Variants in CPPED1 observed in about 807,000 individuals in gnomAD.
CPPED1 encodes the protein serine/threonine-protein phosphatase CPPED1.
Under a neutral mutation model 28.0 loss-of-function variants are expected in CPPED1, and 28 were observed. The ratio of observed to expected loss-of-function variants is 1.00; its 90% CI spans 0.74 to 1.37. The LOEUF is 1.37. Among genes scored for constraint, CPPED1 ranks in the 40% most tolerant of loss-of-function variants. The probability of loss-of-function intolerance (pLI) is 0.00; values close to 1 mark genes in which losing one functional copy is unlikely to be tolerated. For synonymous variants in CPPED1, 198 were observed against 180.2 expected, an observed-to-expected ratio of 1.10 and a Z score of -0.79; for missense variants, 504 against 416.5, an observed-to-expected ratio of 1.21 and a Z score of -1.83.
intron 2 of CPPED1, among the ~76,000 whole-genome samples, chr16:12,734,244 A>G (rs1163613836): frequency 6.6e-6 from 1 of 151,576 alleles, no homozygotes; most frequent in Non-Finnish European, 1.5e-5. Flanking sequence ...TAATTTTTGT[A>G]TATTTAGTAG....
chr16:12,681,747 C>T (rs182991760), intron 3 of CPPED1, among the ~76,000 whole-genome samples: 5 of 152,014 alleles, frequency 3.3e-5, no homozygotes, highest in African/African-American at 1.2e-4. Context: ...AGTTATCACA[C>T]CAACACCTGG....
chr16:12,762,589 G>A (rs377750929), intron 2 of CPPED1, among the ~76,000 whole-genome samples: 20 of 152,132 alleles, frequency 1.3e-4, no homozygotes, highest in Non-Finnish European at 2.2e-4. Context: ...ATCCCAAGGC[G>A]CCGCATACTG....
In CPPED1 at chr16:12,787,319, G is replaced by A. The variant is rs529185954; in HGVS notation, c.71-5916C>T. ...GGATAATGCCTATAGGGTATTTAGT[G>A]TTCATACGTGGTAAAAACATACATT... On this transcript the variant is annotated intron_variant, in intron 1 of 3. Transcript: ENST00000381774. Among the ~76,000 whole-genome samples, 201 of 151,974 alleles carry A rather than the reference G, an allele frequency of 1.3e-3. 9 individuals are homozygous for A. The highest frequency in any genetic ancestry group is 2.7e-3 in the South Asian group (13 of 4,814).
intron 3 of CPPED1, among the ~76,000 whole-genome samples, chr16:12,697,609 G>C (rs1001140070): frequency 1.3e-5 from 2 of 152,208 alleles, no homozygotes; most frequent in African/African-American, 4.8e-5. Context: ...CCAAGAGTTG[G>C]AAAATTATCA....
chr16:12,713,555 G>A (rs1239091077), intron 2 of CPPED1, among the ~76,000 whole-genome samples: 1 of 151,976 alleles, frequency 6.6e-6, no homozygotes, highest in East Asian at 1.9e-4. Context: ...TAGTAGAGAC[G>A]GGGTTTCATC....
intron 2 of CPPED1, among the ~76,000 whole-genome samples, chr16:12,734,763 C>T (rs1225470061): frequency 6.6e-6 from 1 of 152,114 alleles, no homozygotes; most frequent in African/African-American, 2.4e-5. Flanking sequence ...TGGCATCACT[C>T]ATCAGAGAGA....
Position 12,781,386 on chromosome 16 carries a change from T to A in CPPED1, c.88A>T (p.Lys30Ter). 6.2e-7 allele frequency: 1 copy of A among 1,613,798 alleles called. No individual in the cohort carries two copies. Among genetic ancestry groups the A allele is most frequent in the Non-Finnish European group, 8.5e-7 (1 of 1,179,892 alleles). ...AFPAEKESEW[K>*]GPFYFILGAD... Reference sequence around the variant, plus strand: ...CCCAGGATGAAGTAGAATGGGCCTTTCCATTCGCTTTCCTTTTCTTAAAAA... The same window carrying A: ...CCCAGGATGAAGTAGAATGGGCCTTACCATTCGCTTTCCTTTTCTTAAAAA... Residue 30 changes from lysine (K) to a stop codon, truncating the protein, a stop_gained, in exon 2 of 4, where the codon AAA becomes TAA. Transcript: ENST00000381774. LOFTEE classifies it high-confidence loss of function.
At chr16:12,727,110 C>T (rs1596461928) in intron 2 of CPPED1, among the ~76,000 whole-genome samples, 1 of 152,296 alleles carries the variant, frequency 6.6e-6, no homozygotes, top group East Asian at 1.9e-4. Flanking sequence ...CCATATACAA[C>T]TGGAGCCCTG....
intron 2 of CPPED1, among the ~76,000 whole-genome samples, chr16:12,757,138 T>C (rs377673435): frequency 1.3e-5 from 2 of 149,808 alleles, no homozygotes; most frequent in Non-Finnish European, 3.0e-5. Context: ...GGGTGACCAA[T>C]TAAGTTATAG....
chr16:12,697,106 C>G (rs1049387167), intron 3 of CPPED1, among the ~76,000 whole-genome samples: 1 of 152,014 alleles, frequency 6.6e-6, no homozygotes, highest in Non-Finnish European at 1.5e-5. Context: ...CTCACTGTAA[C>G]CTCTGCCTCC....
intron 2 of CPPED1, chr16:12,760,527 C>T (rs1035539891): frequency 1.5e-4 from 23 of 152,356 alleles, no homozygotes; most frequent in African/African-American, 5.6e-4. Context: ...CCGGGGTGCA[C>T]TGGGGGCCTT....
At chr16:12,734,078 T>G (rs2080214143) in intron 2 of CPPED1, among the ~76,000 whole-genome samples, 1 of 133,470 alleles carries the variant, frequency 7.5e-6, no homozygotes. Context: ...TTTTTTTTTT[T>G]TTTTTTTTTT....
Position 12,781,620 on chromosome 16 carries a change from C to T in CPPED1, c.71-217G>A, listed in dbSNP as rs540354596. ...ACCTGGTGATACCCAAAGGCCAGAA[C>T]TGTCCACGTGGGCTTCTGCAGCCAC... On this transcript the variant is annotated intron_variant, in intron 1 of 3. Transcript: ENST00000381774. Among the ~76,000 whole-genome samples, 25 of 152,244 alleles carry T rather than the reference C, an allele frequency of 1.6e-4. No individual in the cohort carries two copies. In the East Asian group the frequency reaches 4.8e-3, roughly 29 times the overall value.
chr16:12,696,457 T>C (rs1273067011), intron 3 of CPPED1, among the ~76,000 whole-genome samples: 2 of 150,170 alleles, frequency 1.3e-5, no homozygotes. Flanking sequence ...TTTTTTTTTT[T>C]TGAGATGGAG....
chr16:12,686,257 T>TG (rs1448551764), intron 3 of CPPED1, among the ~76,000 whole-genome samples: 21 of 151,398 alleles, frequency 1.4e-4, no homozygotes, highest in African/African-American at 4.9e-4. Context: ...TTTTTTGAGA[T>TG]GGGGTCTTGC....
At chr16:12,752,338 G>C (rs2080335351) in intron 2 of CPPED1, among the ~76,000 whole-genome samples, 1 of 151,964 alleles carries the variant, frequency 6.6e-6, no homozygotes, top group African/African-American at 2.4e-5. Flanking sequence ...GGTTTAATGA[G>C]TTGTCATGCT....
At chr16:12,710,446 T>TGTG (rs1237688785) in intron 2 of CPPED1, among the ~76,000 whole-genome samples, 1 of 148,730 alleles carries the variant, frequency 6.7e-6, no homozygotes, top group Non-Finnish European at 1.5e-5. Flanking sequence ...TGATGTATTG[T>TGTG]TACAGGCCAA....
intron 3 of CPPED1, among the ~76,000 whole-genome samples, chr16:12,704,128 C>T (rs1282799626): frequency 1.3e-5 from 2 of 152,190 alleles, no homozygotes; most frequent in African/African-American, 4.8e-5. Flanking sequence ...GGCAGCTTGA[C>T]TCTTAAAGAT....
chr16:12,681,590 A>G (rs1288582903), intron 3 of CPPED1, among the ~76,000 whole-genome samples: 1 of 152,222 alleles, frequency 6.6e-6, no homozygotes, highest in African/African-American at 2.4e-5. Context: ...GCTCCTCTTA[A>G]TTAAAACTAA....
Sources: allele counts gnomAD v4.1 joint callset (sites outside exome capture counted in the v4.1 genomes callset), GRCh38; gene constraint gnomAD v4.1.1; transcripts MANE v1.5; gene names NCBI Gene and HGNC (gene_info 2026-07-23, HGNC 2026-07-21).